Variants in TICAM2 observed in about 807,000 individuals in gnomAD.
TICAM2 encodes the protein TIR domain-containing adapter molecule 2.
A neutral mutation model predicts 7.3 loss-of-function variants in TICAM2; 8 were observed. That is an observed-to-expected ratio of 1.10 (90% CI 0.65 to 1.99). The LOEUF is 1.99. Ranked by LOEUF, TICAM2 falls within the 30% of genes most tolerant of loss-of-function variation. The probability of loss-of-function intolerance (pLI) is 0.00; values close to 1 mark genes in which losing one functional copy is unlikely to be tolerated. For missense variants in TICAM2, 304 were observed against 278.8 expected (o/e 1.09, Z -0.65); for synonymous variants, 113 against 99.6 (o/e 1.13, Z -0.80).
Position 115,581,265 on chromosome 5 carries a change from T to A in TICAM2, c.-9A>T. On this transcript the variant is annotated 5_prime_UTR_variant, in exon 2 of 2. Transcript: ENST00000427199. ...GACTTCCCGATACCCATTATAAATA[T>A]CCAAGGCAGAAGAGGAAAACTTTAT... The A allele has an allele frequency of 6.2e-7, 1 of 1,604,416 alleles. No homozygotes were observed. The highest frequency in any genetic ancestry group is 8.5e-7 in the Non-Finnish European group (1 of 1,179,972).
At position 115,587,782 on chromosome 5, in the gene TICAM2, T is replaced by A. The variant is rs78340743; in HGVS notation, c.-59-6467A>T. 5.0e-3 allele frequency among the ~76,000 whole-genome samples: 766 copies of A among 152,188 alleles called. 6 individuals are homozygous for A. The highest frequency in any genetic ancestry group is 0.017 in the African/African-American group (721 of 41,516). On this transcript the variant is annotated intron_variant, in intron 1 of 1. Transcript: ENST00000427199. ...GTGATCCAGTAGGCACTTGCACATG[T>A]AGGTCTGGGGCATAAAAGAGCATCT... is the stretch of plus-strand genomic sequence containing the variant.
At chr5:115,589,217 T>G (rs745811216) in intron 1 of TICAM2, among the ~76,000 whole-genome samples, 9 of 152,182 alleles carry the variant, frequency 5.9e-5, no homozygotes, top group Non-Finnish European at 1.3e-4. Flanking sequence ...CCTACAATAT[T>G]TACTCCTTGG....
chr5:115,592,050 T>C (rs189508418), intron 1 of TICAM2, among the ~76,000 whole-genome samples: 80 of 152,174 alleles, frequency 5.3e-4, no homozygotes, highest in African/African-American at 1.9e-3. Flanking sequence ...AGAAAATAGA[T>C]TACCTTAAAA....
At chr5:115,586,829 T>C (rs1460098408) in intron 1 of TICAM2, among the ~76,000 whole-genome samples, 2 of 152,192 alleles carry the variant, frequency 1.3e-5, no homozygotes, top group Non-Finnish European at 2.9e-5. Context: ...CAGCAAAACA[T>C]GCTAGGTTTT....
intron 1 of TICAM2, among the ~76,000 whole-genome samples, chr5:115,595,207 A>AATCG (rs1755463525): frequency 6.6e-6 from 1 of 152,160 alleles, no homozygotes; most frequent in Non-Finnish European, 1.5e-5. Context: ...CAGATGGATC[A>AATCG]ATCAATCAAT....
chr5:115,592,719 A>G (rs899945430), intron 1 of TICAM2, among the ~76,000 whole-genome samples: 10 of 152,222 alleles, frequency 6.6e-5, no homozygotes, highest in Admixed American at 2.0e-4. Context: ...AGATCAGTCT[A>G]ACTCATGATT....
chr5:115,581,099 T>A lies in TICAM2; in HGVS notation c.158A>T (p.Glu53Val). The change falls in exon 2 of 2, where the codon GAG becomes GTG. Residue 53 changes from glutamate to valine, a missense_variant. Physicochemically the swap from Glu to Val is moderately radical, Grantham distance 121. Transcript: ENST00000427199. ...TCCCTCCTGCTTTCCTGTTGGCCCC[T>A]CTGTTGTATTGCTGTGCTCAGCAAC... ...CNVAEHSNTT[E>V]GPTGKQEGAQ... 1 of 1,614,204 alleles carries A rather than the reference T, an allele frequency of 6.2e-7. No individual in the cohort carries two copies. Among genetic ancestry groups the A allele is most frequent in the African/African-American group, 1.3e-5 (1 of 75,050 alleles).
chr5:115,590,195 T>C (rs552949818), intron 1 of TICAM2, among the ~76,000 whole-genome samples: 2 of 152,010 alleles, frequency 1.3e-5, no homozygotes, highest in South Asian at 2.1e-4. Context: ...AAAAAACATT[T>C]AATAAATAAA....
chr5:115,597,582 G>A (rs1256434825), intron 1 of TICAM2, among the ~76,000 whole-genome samples: 1 of 152,152 alleles, frequency 6.6e-6, no homozygotes, highest in Non-Finnish European at 1.5e-5. Flanking sequence ...TTAAAGAAAA[G>A]GAACTGACTG....
At chr5:115,599,724 C>A (rs1476633908) in intron 1 of TICAM2, among the ~76,000 whole-genome samples, 1 of 152,120 alleles carries the variant, frequency 6.6e-6, no homozygotes, top group Non-Finnish European at 1.5e-5. Context: ...CAGGCAAAGG[C>A]AACAGCAGCA....
At chr5:115,593,119 G>C (rs1034323754) in intron 1 of TICAM2, among the ~76,000 whole-genome samples, 20 of 152,162 alleles carry the variant, frequency 1.3e-4, no homozygotes, top group African/African-American at 4.8e-4. Context: ...CTCTAGCCTG[G>C]GCGAGAGAAT....
intron 1 of TICAM2, 57 bp from the exon 2 acceptor site, chr5:115,581,372 G>A (rs1217092852): frequency 2.0e-6 from 3 of 1,502,362 alleles, no homozygotes; most frequent in African/African-American, 1.4e-5. Flanking sequence ...CATTAAAAAT[G>A]GAAACTTTCA....
intron 1 of TICAM2, among the ~76,000 whole-genome samples, chr5:115,599,509 G>A (rs1755636104): frequency 6.6e-6 from 1 of 152,156 alleles, no homozygotes; most frequent in African/African-American, 2.4e-5. Context: ...TTTAATATTA[G>A]GGAACTCAAG....
At position 115,581,231 on chromosome 5, in the gene TICAM2, T is replaced by C. The variant is rs1754912250; in HGVS notation, c.26A>G (p.Asn9Ser). The C allele has an allele frequency of 6.2e-7, 1 of 1,609,778 alleles. No individual in the cohort carries two copies. MGIGKSKI[N>S]SCPLSLSWGK... ...CCAAGAGAGAGAAAGAGGGCAGGAA[T>C]TTATTTTAGACTTCCCGATACCCAT... Residue 9 changes from asparagine to serine, a missense_variant, in exon 2 of 2, where the codon AAT becomes AGT. Physicochemically the swap from Asn to Ser is conservative, Grantham distance 46. Coordinates refer to ENST00000427199, the MANE Select transcript of TICAM2 (RefSeq NM_021649.7).
chr5:115,584,076 C>T (rs1477176925), intron 1 of TICAM2, among the ~76,000 whole-genome samples: 1 of 152,106 alleles, frequency 6.6e-6, no homozygotes, highest in African/African-American at 2.4e-5. Flanking sequence ...GTTACTTATT[C>T]CCATGGTCTC....
At chr5:115,593,148 T>C (rs1755373867) in intron 1 of TICAM2, among the ~76,000 whole-genome samples, 1 of 152,054 alleles carries the variant, frequency 6.6e-6, no homozygotes, top group Non-Finnish European at 1.5e-5. Context: ...ATCTCAAAAA[T>C]TTAAAACAAA....
chr5:115,590,123 G>C (rs1038298566), intron 1 of TICAM2, among the ~76,000 whole-genome samples: 1 of 152,088 alleles, frequency 6.6e-6, no homozygotes, highest in African/African-American at 2.4e-5. Flanking sequence ...CGAGGTGGGA[G>C]GATCACTTAT....
At chr5:115,595,302 C>A (rs1047105749) in intron 1 of TICAM2, among the ~76,000 whole-genome samples, 7 of 152,120 alleles carry the variant, frequency 4.6e-5, no homozygotes, top group Non-Finnish European at 8.8e-5. Context: ...ACGACGGAAA[C>A]CTACAAATTA....
chr5:115,585,772 A>G (rs1273079567), intron 1 of TICAM2, among the ~76,000 whole-genome samples: 1 of 152,174 alleles, frequency 6.6e-6, no homozygotes, highest in Non-Finnish European at 1.5e-5. Flanking sequence ...TGAGCAGAGG[A>G]GTGACATGAT....
Sources: gnomAD v4.1 joint callset for allele counts (sites outside exome capture counted in the v4.1 genomes callset) on GRCh38, gnomAD v4.1.1 for gene constraint, MANE v1.5 for transcripts, NCBI Gene and HGNC (gene_info 2026-07-23, HGNC 2026-07-21) for gene names.